Variants in TNRC18 observed in about 807,000 individuals in gnomAD.
TNRC18 encodes the protein trinucleotide repeat-containing gene 18 protein.
A neutral mutation model predicts 226.7 loss-of-function variants in TNRC18; 69 were observed. The ratio of observed to expected loss-of-function variants is 0.30; its 90% CI spans 0.25 to 0.37. TNRC18 has a LOEUF of 0.37. Among genes scored for constraint, TNRC18 ranks in the 10% least tolerant of loss-of-function variants. The probability of loss-of-function intolerance (pLI) is 1.00; values close to 1 mark genes in which losing one functional copy is unlikely to be tolerated. For missense variants in TNRC18, 4,754 were observed against 4,256.6 expected (o/e 1.12, Z -3.25); for synonymous variants, 2,449 against 1,927.6 (o/e 1.27, Z -7.09).
chr7:5,316,804 G>A (rs1787896986), intron 24 of TNRC18, among the ~76,000 whole-genome samples: 1 of 152,184 alleles, frequency 6.6e-6, no homozygotes. Flanking sequence ...GATCTCCTAG[G>A]AGGAGGTGAT....
chr7:5,357,057 C>A lies in TNRC18; in HGVS notation c.5053G>T (p.Gly1685Cys). 1 of 1,552,164 alleles carries A rather than the reference C, an allele frequency of 6.4e-7. No homozygotes were observed. Among genetic ancestry groups the A allele is most frequent in the Non-Finnish European group, 8.7e-7 (1 of 1,147,108 alleles). The change falls in exon 16 of 30, where the codon GGC (glycine) becomes TGC (cysteine). Residue 1685 changes from glycine (G) to cysteine (C), a missense_variant. Gly to Cys is a radical substitution (Grantham distance 159, BLOSUM62 -3). Coordinates refer to ENST00000430969, the MANE Select transcript of TNRC18 (RefSeq NM_001080495.3). ...KNRKALAKGL[G>C]LSLKSSREGK... ...TCTCTGGAGGATTTCAGAGACAGGC[C>A]GAGGCCCTTGGCCAGCGCCTTCCTG...
At chr7:5,356,646 G>C (rs1395802622) in intron 16 of TNRC18, among the ~76,000 whole-genome samples, 2 of 152,168 alleles carry the variant, frequency 1.3e-5, no homozygotes, top group Admixed American at 6.5e-5. Flanking sequence ...GCGGAGGTCG[G>C]CTCCCAACCG....
rs1475730586 is a variant in TNRC18 at position 5,317,732 on chromosome 7, G to C, written c.6746-1660C>G. ...TAAGGTTTTTTTTTTTTTTGAGATG[G>C]TGTCATTCTGTCACCCAGGCTGGAA... On this transcript the variant is annotated intron_variant, in intron 24 of 29. Coordinates refer to ENST00000430969, the MANE Select transcript of TNRC18 (RefSeq NM_001080495.3). 9.4e-5 allele frequency among the ~76,000 whole-genome samples: 14 copies of C among 149,424 alleles called. No individual in the cohort carries two copies. The East Asian group carries it at 2.7e-3, about 29-fold the overall frequency.
chr7:5,389,183 C>T lies in TNRC18; in HGVS notation c.641G>A (p.Gly214Glu), dbSNP rs1584031698. ...GPAKERAGRG[G>E]EPPPLFGKKD... ...CTTGCCGAAAAGCGGAGGCGGCTCC[C>T]CGCCGCGGCCCGCCCGCTCCTTGGC... is the stretch of plus-strand genomic sequence containing the variant. Residue 214 changes from glycine (G) to glutamate (E), a missense_variant, in exon 5 of 30, where the codon GGG becomes GAG. Physicochemically the swap from Gly to Glu is moderately conservative, Grantham distance 98 (BLOSUM62 -2). Coordinates refer to ENST00000430969, the MANE Select transcript of TNRC18 (RefSeq NM_001080495.3). 1.5e-6 allele frequency: 2 copies of T among 1,316,054 alleles called. No homozygotes were observed. Among genetic ancestry groups the T allele is most frequent in the Admixed American group, 4.0e-5 (1 of 25,282 alleles). 81.5% of individuals were successfully genotyped at this position (1,316,054 alleles called of 1,614,324 possible).
intron 2 of TNRC18, among the ~76,000 whole-genome samples, chr7:5,413,900 A>G (rs1250164569): frequency 1.3e-5 from 2 of 152,152 alleles, no homozygotes; most frequent in African/African-American, 4.8e-5. Flanking sequence ...AAATAGTACA[A>G]TGAATGGTCC....
Position 5,423,781 on chromosome 7 carries a change from G to A in TNRC18, c.-584C>T, listed in dbSNP as rs924064481. ...TCCCAAATCTCCATATACAGCCCGG[G>A]ATTGGAAAAGGTACATTACACAACC... is the stretch of plus-strand genomic sequence containing the variant. On this transcript the variant is annotated 5_prime_UTR_variant, in exon 1 of 30. Coordinates refer to ENST00000430969, the MANE Select transcript of TNRC18 (RefSeq NM_001080495.3). Among the ~76,000 whole-genome samples, 1 of 148,844 alleles carries A rather than the reference G, an allele frequency of 6.7e-6. No homozygotes were observed. Among genetic ancestry groups the A allele is most frequent in the South Asian group, 2.2e-4 (1 of 4,526 alleles).
intron 2 of TNRC18, chr7:5,420,518 C>T: frequency 2.2e-6 from 1 of 447,830 alleles, no homozygotes; most frequent in Non-Finnish European, 4.5e-6. Context: ...GCCAGGGTCC[C>T]AAGGCTGGGG....
chr7:5,351,530 A>G (rs2128146263), intron 17 of TNRC18, among the ~76,000 whole-genome samples: 1 of 152,236 alleles, frequency 6.6e-6, no homozygotes, highest in East Asian at 1.9e-4. Flanking sequence ...GAGGAGGGCA[A>G]GTGGAGAGAA....
chr7:5,380,694 C>A (rs1279980715), intron 5 of TNRC18, among the ~76,000 whole-genome samples: 5 of 152,206 alleles, frequency 3.3e-5, no homozygotes, highest in African/African-American at 1.2e-4. Context: ...TCAGTCAGGA[C>A]TGCAAGGGGC....
rs560585060 is a variant in TNRC18, at chr7:5,319,272, G to T, written c.6745+1046C>A. On this transcript the variant is annotated intron_variant, in intron 24 of 29. Coordinates refer to ENST00000430969, the MANE Select transcript of TNRC18 (RefSeq NM_001080495.3). ...CTGTTGTTTTGCTGAGCTGGCATTG[G>T]CTTCCATCTTCTGGGTATGAATGGA... 2.6e-5 allele frequency among the ~76,000 whole-genome samples: 4 copies of T among 152,266 alleles called. No individual in the cohort carries two copies. In the East Asian group the frequency reaches 7.7e-4, roughly 29 times the overall value.
chr7:5,325,294 G>A, intron 19 of TNRC18, 46 bp from the exon 20 acceptor site: 1 of 1,535,124 alleles, frequency 6.5e-7, no homozygotes, highest in Non-Finnish European at 8.7e-7. Flanking sequence ...GGCAGGGAAA[G>A]CACAGGCAGC....
chr7:5,404,521 T>C (rs1781334017), intron 2 of TNRC18, among the ~76,000 whole-genome samples: 2 of 152,130 alleles, frequency 1.3e-5, no homozygotes, highest in Non-Finnish European at 2.9e-5. Context: ...TTGCTTCTAG[T>C]TGTGGAGGGC....
At chr7:5,378,911 G>A (rs576402082) in intron 5 of TNRC18, among the ~76,000 whole-genome samples, 3 of 151,090 alleles carry the variant, frequency 2.0e-5, no homozygotes, top group East Asian at 3.9e-4. Context: ...CTAGCCAGGC[G>A]AGGTGGCTCA....
At position 5,409,244 on chromosome 7, in the gene TNRC18, CAG is replaced by C. The variant is rs201304834; in HGVS notation, c.187+11814_187+11815del. 1.0e-2 allele frequency among the ~76,000 whole-genome samples: 1,515 copies of C among 151,682 alleles called. 30 individuals are homozygous for C. Among genetic ancestry groups the C allele is most frequent in the African/African-American group, 0.035 (1,445 of 41,358 alleles). ...TGAAAGAGAAAAGAGAAAAAAGACT[CAG>C]AGAAAACAAAGACAATGCATGAAAG... On this transcript the variant is annotated intron_variant, in intron 2 of 29. Coordinates refer to ENST00000430969, the MANE Select transcript of TNRC18 (RefSeq NM_001080495.3).
intron 2 of TNRC18, among the ~76,000 whole-genome samples, chr7:5,395,767 G>T (rs189457547): frequency 6.6e-6 from 1 of 152,192 alleles, no homozygotes; most frequent in Non-Finnish European, 1.5e-5. Flanking sequence ...CAAGGCAGGC[G>T]AATCACAAGG....
chr7:5,323,766 C>G (rs1788620243), intron 21 of TNRC18, among the ~76,000 whole-genome samples: 1 of 152,024 alleles, frequency 6.6e-6, no homozygotes, highest in Non-Finnish European at 1.5e-5. Context: ...CAGGGTTTCA[C>G]CATGTTGGCC....
intron 18 of TNRC18, among the ~76,000 whole-genome samples, chr7:5,341,169 TG>T (rs1790644648): frequency 1.3e-5 from 2 of 151,520 alleles, no homozygotes; most frequent in South Asian, 2.1e-4. Context: ...CCCAGCACTT[TG>T]GGAGGCTGAG....
At chr7:5,317,875 A>ATT (rs55888158) in intron 24 of TNRC18, among the ~76,000 whole-genome samples, 1 of 146,204 alleles carries the variant, frequency 6.8e-6, no homozygotes. Flanking sequence ...CTGGATAATA[A>ATT]TTTTTTTTTT....
chr7:5,361,994 G>C lies in TNRC18; in HGVS notation c.4435C>G (p.Leu1479Val). Residue 1479 changes from leucine (L) to valine (V), a missense_variant, in exon 13 of 30, where the codon CTG (leucine) becomes GTG (valine). Coordinates refer to ENST00000430969, the MANE Select transcript of TNRC18 (RefSeq NM_001080495.3). Reference protein sequence around the residue: ...MKSSLEDMDALELDFRMRLAE... With the variant: ...MKSSLEDMDAVELDFRMRLAE... ...AGCCGCATCCGGAAGTCCAGCTCCA[G>C]GGCGTCCATGTCCTCCAGGGAGGAC... 6.2e-7 allele frequency: 1 copy of C among 1,613,626 alleles called. No homozygotes were observed. Among genetic ancestry groups the C allele is most frequent in the Non-Finnish European group, 8.5e-7 (1 of 1,179,784 alleles).
Sources: allele counts gnomAD v4.1 joint callset (sites outside exome capture counted in the v4.1 genomes callset), GRCh38; gene constraint gnomAD v4.1.1; transcripts MANE v1.5; gene names NCBI Gene and HGNC (gene_info 2026-07-23, HGNC 2026-07-21).